The following OSR2 variants were observed in gnomAD, a reference collection of about 807,000 sequenced individuals.
The protein encoded by OSR2 is protein odd-skipped-related 2.
In OSR2, 8 loss-of-function variants were observed where a neutral mutation model predicts 22.3. The observed-to-expected ratio is 0.36, with a 90% CI of 0.21 to 0.65. The LOEUF is 0.65. Ranked by LOEUF, OSR2 falls within the 30% of genes least tolerant of loss-of-function variation. The probability of loss-of-function intolerance (pLI) is 0.66; values close to 1 mark genes in which losing one functional copy is unlikely to be tolerated. For synonymous variants in OSR2, 179 were observed against 173.8 expected, an observed-to-expected ratio of 1.03 and a Z score of -0.23; for missense variants, 311 against 413.4, an observed-to-expected ratio of 0.75 and a Z score of 2.15.
At position 98,949,038 on chromosome 8, in the gene OSR2, C is replaced by G; in HGVS notation, c.86C>G (p.Thr29Ser). The change falls in exon 2 of 4, where the codon ACC becomes AGC. Residue 29 changes from threonine to serine, a missense_variant. Around this residue, in one of 5 missense-constraint regions of OSR2, gnomAD observed 146 missense variants for 160.5 expected, o/e 0.91. Transcript: ENST00000297565. The surrounding 1 kb of genome is among the most constrained non-coding windows in gnomAD (Gnocchi z 5.9). The stretch of plus-strand genomic sequence containing the variant: ...TACTCCTTCCTGCAGGCCGTGAACA[C>G]CTTCCCGGCCACGGTGGACCACCTG... ...TNYSFLQAVN[T>S]FPATVDHLQG... The G allele has an allele frequency of 6.2e-7, 1 of 1,614,000 alleles. No homozygotes were observed. The highest frequency in any genetic ancestry group is 8.5e-7 in the Non-Finnish European group (1 of 1,179,902).
Position 98,951,665 on chromosome 8 carries a change from G to A in OSR2, c.903G>A (p.Arg301=). 1 of 1,613,602 alleles carries A rather than the reference G, an allele frequency of 6.2e-7. No individual in the cohort carries two copies. Among genetic ancestry groups the A allele is most frequent in the South Asian group, 1.1e-5 (1 of 90,966 alleles). ...TCAGGCGAAACTGTGATCTGCGGCG[G>A]CACAGCCTGACTCACACCCCGCGGC... ...KVFRRNCDLR[R]HSLTHTPRQD... Residue 301 remains arginine (R), a synonymous_variant, in exon 4 of 4, where the codon CGG becomes CGA. Coordinates refer to ENST00000297565, the MANE Select transcript of OSR2 (RefSeq NM_001142462.3).
chr8:98,950,959 CG>C (rs1175535406), intron 3 of OSR2: 1 of 601,956 alleles, frequency 1.7e-6, no homozygotes, highest in African/African-American at 1.9e-5. Flanking sequence ...TCTCAAAAAA[CG>C]GCCACTTTGA....
rs1021629806 is a variant in OSR2 at position 98,948,720 on chromosome 8, T to C, written c.-114-119T>C. On this transcript the variant is annotated intron_variant, in intron 1 of 3. Transcript: ENST00000297565. The surrounding 1 kb of genome is among the most constrained non-coding windows in gnomAD (Gnocchi z 6.0). The stretch of plus-strand genomic sequence containing the variant: ...CAGTCCCCTCACGGCTTTCGGGGGG[T>C]CTTGGAGTCGGGTGGGGAGGGAGAC... The C allele has an allele frequency of 4.8e-6, 6 of 1,260,566 alleles. No homozygotes were observed. In the African/African-American group the frequency reaches 9.1e-5, roughly 19 times the overall value. 78.1% of individuals were successfully genotyped at this position (1,260,566 alleles called of 1,614,324 possible). A position where few individuals can be genotyped will look rare whatever the true frequency, so the allele number is the denominator to read the frequency against.
rs772187871 is a variant in OSR2 at position 98,949,170 on chromosome 8, C to T, written c.218C>T (p.Ala73Val). 11 of 1,605,366 alleles carry T rather than the reference C, an allele frequency of 6.9e-6. No individual in the cohort carries two copies. In the East Asian group the frequency reaches 1.6e-4, roughly 23 times the overall value. The change falls in exon 2 of 4, where the codon GCG becomes GTG. Residue 73 changes from alanine (A) to valine (V), a missense_variant. Around this residue, in one of 5 missense-constraint regions of OSR2, gnomAD observed 146 missense variants for 160.5 expected, o/e 0.91. Coordinates refer to ENST00000297565, the MANE Select transcript of OSR2 (RefSeq NM_001142462.3). The surrounding 1 kb of genome is among the most constrained non-coding windows in gnomAD (Gnocchi z 5.9). ...EITRSTITEM[A>V]AAQGLVDARF... is the part of the protein sequence containing the mutation. ...ACCCGCTCCACCATCACGGAGATGG[C>T]GGCGGCGCAGGGCCTCGTGGACGCG...
chr8:98,946,521 A>G (rs768534101), intron 1 of OSR2, among the ~76,000 whole-genome samples: 6 of 152,196 alleles, frequency 3.9e-5, no homozygotes, highest in Non-Finnish European at 7.4e-5. Context: ...TGAAGAAACT[A>G]TCTGCCCTAC....
rs1038707448 is a variant in OSR2, at chr8:98,945,872, G to A, written c.-115+1049G>A. ...TGAAATTCAGTGAGCCTACCTATCC[G>A]ACCATCAGTCATTTATCTCATATAC... On this transcript the variant is annotated intron_variant, in intron 1 of 3. Coordinates refer to ENST00000297565, the MANE Select transcript of OSR2 (RefSeq NM_001142462.3). Among the ~76,000 whole-genome samples the A allele has an allele frequency of 2.6e-5, 4 of 152,070 alleles. No homozygotes were observed. In the South Asian group the frequency reaches 6.2e-4, roughly 24 times the overall value.
chr8:98,947,518 TGCCCTCAGAGGGAAG>T (rs1840643830), intron 1 of OSR2, among the ~76,000 whole-genome samples: 2 of 152,158 alleles, frequency 1.3e-5, no homozygotes, highest in African/African-American at 2.4e-5. Flanking sequence ...CCTGGGGGTC[TGCCCTCAGAGGGAAG>T]GCCCTGGTCC....
chr8:98,945,002 C>T lies in OSR2; in HGVS notation c.-115+179C>T, dbSNP rs182192836. Among the ~76,000 whole-genome samples the T allele has an allele frequency of 6.6e-3, 1,003 of 152,368 alleles. 9 individuals carry two copies. Among genetic ancestry groups the T allele is most frequent in the African/African-American group, 0.022 (930 of 41,586 alleles). ...TTCCTTGGGTCCCTGGCACGCGACTCCCAGCTAACACCCAACCACACACAT... is the reference window on the plus strand; with the variant it reads ...TTCCTTGGGTCCCTGGCACGCGACTTCCAGCTAACACCCAACCACACACAT... On this transcript the variant is annotated intron_variant, in intron 1 of 3. Transcript: ENST00000297565.
chr8:98,949,144 C>T lies in OSR2; in HGVS notation c.192C>T (p.Ile64=), dbSNP rs1840706660. 6.2e-7 allele frequency: 1 copy of T among 1,612,564 alleles called. No homozygotes were observed. Among genetic ancestry groups the T allele is most frequent in the South Asian group, 1.1e-5 (1 of 90,900 alleles). Residue 64 remains isoleucine (I), a synonymous_variant, in exon 2 of 4, where the codon ATC becomes ATT. Transcript: ENST00000297565. This position sits in a 1 kb window ranked among gnomAD's most constrained non-coding sequence, Gnocchi z 5.9. ...WTLGYPNVHE[I]TRSTITEMAA... ...TGGGGTATCCCAATGTGCACGAGAT[C>T]ACCCGCTCCACCATCACGGAGATGG...
At chr8:98,945,887 A>G (rs1840600282) in intron 1 of OSR2, 1 of 152,196 alleles carries the variant, frequency 6.6e-6, no homozygotes, top group African/African-American at 2.4e-5. Flanking sequence ...TCAGTCATTT[A>G]TCTCATATAC....
chr8:98,948,051 TG>T lies in OSR2; in HGVS notation c.-114-786del. 8.1e-7 allele frequency: 1 copy of T among 1,231,582 alleles called. No homozygotes were observed. The highest frequency in any genetic ancestry group is 1.0e-6 in the Non-Finnish European group (1 of 956,312). 76.3% of individuals were successfully genotyped at this position (1,231,582 alleles called of 1,614,324 possible). On this transcript the variant is annotated intron_variant, in intron 1 of 3. Coordinates refer to ENST00000297565, the MANE Select transcript of OSR2 (RefSeq NM_001142462.3). This position sits in a 1 kb window ranked among gnomAD's most constrained non-coding sequence, Gnocchi z 6.0. ...CCACCCCCTGGGAGCCTGAACCATC[TG>T]GAAGGGATCTTAGTCGGGGGTTGGG... is the stretch of plus-strand genomic sequence containing the variant.
Position 98,949,164 on chromosome 8 carries a change from A to G in OSR2, c.212A>G (p.Glu71Gly). Residue 71 changes from glutamate (E) to glycine (G), a missense_variant, in exon 2 of 4, where the codon GAG (glutamate) becomes GGG (glycine). This residue lies in a region of OSR2 where 146 missense variants were observed against 160.5 expected (regional missense o/e 0.91). Transcript: ENST00000297565. This position sits in a 1 kb window ranked among gnomAD's most constrained non-coding sequence, Gnocchi z 5.9. ...GAGATCACCCGCTCCACCATCACGG[A>G]GATGGCGGCGGCGCAGGGCCTCGTG... ...VHEITRSTIT[E>G]MAAAQGLVDA... The G allele has an allele frequency of 6.2e-7, 1 of 1,610,676 alleles. No individual in the cohort carries two copies. The highest frequency in any genetic ancestry group is 2.2e-5 in the East Asian group (1 of 44,812).
rs201438766 is a variant in OSR2, at chr8:98,949,209, C to A, written c.257C>A (p.Pro86Gln). 6.3e-7 allele frequency: 1 copy of A among 1,591,704 alleles called. No individual in the cohort carries two copies. The highest frequency in any genetic ancestry group is 1.3e-5 in the African/African-American group (1 of 74,784). ...QGLVDARFPFPALPFTTHLFH... is the reference protein window; with the variant it reads ...QGLVDARFPFQALPFTTHLFH... ...CTCGTGGACGCGCGCTTCCCCTTCC[C>A]GGCCCTGCCTTTTACCACCCACCTA... is the stretch of plus-strand genomic sequence containing the variant. Residue 86 changes from proline to glutamine, a missense_variant, in exon 2 of 4, where the codon CCG becomes CAG. Physicochemically the swap from Pro to Gln is moderately conservative, Grantham distance 76 (BLOSUM62 -1). This residue lies in a region of OSR2 where 146 missense variants were observed against 160.5 expected (regional missense o/e 0.91). Coordinates refer to ENST00000297565, the MANE Select transcript of OSR2 (RefSeq NM_001142462.3). This position sits in a 1 kb window ranked among gnomAD's most constrained non-coding sequence, Gnocchi z 5.9.
At chr8:98,947,303 A>G (rs74343785) in intron 1 of OSR2, among the ~76,000 whole-genome samples, 60 of 152,014 alleles carry the variant, frequency 3.9e-4, no homozygotes, top group Admixed American at 5.2e-4. Context: ...CTGCCTTGCC[A>G]GAGCGCTCTG....
In OSR2 at chr8:98,948,966, C is replaced by G; in HGVS notation, c.14C>G (p.Ala5Gly). ...GCATCCCGGAAAATGGGGAGCAAGG[C>G]TCTGCCAGCGCCCATCCCGCTCCAC... MGSK[A>G]LPAPIPLHPS... The change falls in exon 2 of 4, where the codon GCT becomes GGT. Residue 5 changes from alanine (A) to glycine (G), a missense_variant. Physicochemically the swap from Ala to Gly is moderately conservative, Grantham distance 60. Around this residue, in one of 5 missense-constraint regions of OSR2, gnomAD observed 146 missense variants for 160.5 expected, o/e 0.91. Transcript: ENST00000297565. This position sits in a 1 kb window ranked among gnomAD's most constrained non-coding sequence, Gnocchi z 6.0. The G allele has an allele frequency of 6.2e-7, 1 of 1,613,982 alleles. No individual in the cohort carries two copies. Among genetic ancestry groups the G allele is most frequent in the Non-Finnish European group, 8.5e-7 (1 of 1,179,900 alleles).
At chr8:98,945,065 T>A (rs1247245090) in intron 1 of OSR2, among the ~76,000 whole-genome samples, 1 of 152,240 alleles carries the variant, frequency 6.6e-6, no homozygotes, top group Non-Finnish European at 1.5e-5. Context: ...TTGGGATATT[T>A]AATCTAAGCG....
chr8:98,950,794 G>C (rs780731274), intron 3 of OSR2, 39 bp downstream of exon 3: 22 of 1,346,504 alleles, frequency 1.6e-5, no homozygotes, highest in Non-Finnish European at 2.0e-5. Flanking sequence ...TGGCTGGTTC[G>C]TGTTATCATT....
chr8:98,948,753 T>C lies in OSR2; in HGVS notation c.-114-86T>C. On this transcript the variant is annotated intron_variant, in intron 1 of 3. Transcript: ENST00000297565. This position sits in a 1 kb window ranked among gnomAD's most constrained non-coding sequence, Gnocchi z 6.0. ...TCGGGTGGGGAGGGAGACTTAGGTGTGGTAACCTGCGCAGGTGCCAAAGGG... is the reference window on the plus strand; with the variant it reads ...TCGGGTGGGGAGGGAGACTTAGGTGCGGTAACCTGCGCAGGTGCCAAAGGG... 1 of 1,411,132 alleles carries C rather than the reference T, an allele frequency of 7.1e-7. No individual in the cohort carries two copies. The highest frequency in any genetic ancestry group is 9.4e-7 in the Non-Finnish European group (1 of 1,066,664). 87.4% of individuals were successfully genotyped at this position (1,411,132 alleles called of 1,614,324 possible).
rs1840704713 is a variant in OSR2 at position 98,949,097 on chromosome 8, A to G, written c.145A>G (p.Met49Val). Residue 49 changes from methionine to valine, a missense_variant, in exon 2 of 4, where the codon ATG becomes GTG. Around this residue, in one of 5 missense-constraint regions of OSR2, gnomAD observed 146 missense variants for 160.5 expected, o/e 0.91. Transcript: ENST00000297565. This position sits in a 1 kb window ranked among gnomAD's most constrained non-coding sequence, Gnocchi z 5.9. ...GTACGGTCTCAGCGCGGTACAGACCATGCACATGAACCACTGGACGCTGGG... is the reference window on the plus strand; with the variant it reads ...GTACGGTCTCAGCGCGGTACAGACCGTGCACATGAACCACTGGACGCTGGG... Reference protein sequence around the residue: ...GLYGLSAVQTMHMNHWTLGYP... With the variant: ...GLYGLSAVQTVHMNHWTLGYP... The G allele has an allele frequency of 4.3e-6, 7 of 1,613,808 alleles. No individual in the cohort carries two copies. Among genetic ancestry groups the G allele is most frequent in the African/African-American group, 1.3e-5 (1 of 74,938 alleles).
Sources: gnomAD v4.1 joint callset for allele counts (sites outside exome capture counted in the v4.1 genomes callset) on GRCh38, gnomAD v4.1.1 for gene constraint, gnomAD v4.1.1 regional missense constraint, Gnocchi (gnomAD v3.1) non-coding constraint, MANE v1.5 for transcripts, NCBI Gene and HGNC (gene_info 2026-07-23, HGNC 2026-07-21) for gene names.